The following TRIM44 variants were observed in gnomAD, a reference collection of about 807,000 sequenced individuals.
The protein encoded by TRIM44 is tripartite motif containing 44.
A neutral mutation model predicts 37.4 loss-of-function variants in TRIM44; 13 were observed. The observed-to-expected ratio is 0.35, with a 90% CI of 0.23 to 0.55. The LOEUF is 0.55. Ranked by LOEUF, TRIM44 falls within the 20% of genes least tolerant of loss-of-function variation. TRIM44 has a pLI of 0.89. For synonymous variants in TRIM44, 175 were observed against 157.2 expected (o/e 1.11, Z -0.85); for missense variants, 426 against 437.2 (o/e 0.97, Z 0.23).
intron 1 of TRIM44, among the ~76,000 whole-genome samples, chr11:35,669,292 C>T (rs969183191): frequency 2.6e-5 from 4 of 152,256 alleles, no homozygotes; most frequent in South Asian, 4.1e-4. Flanking sequence ...ACCTTGCCCA[C>T]ATCTTAGAGA....
intron 4 of TRIM44, among the ~76,000 whole-genome samples, chr11:35,754,673 G>GGCCC (rs1005259104): frequency 1.9e-5 from 2 of 107,198 alleles, no homozygotes; most frequent in African/African-American, 7.5e-5. Context: ...CCCCACAGCA[G>GGCCC]GCCCCGGTGT....
At chr11:35,703,629 G>A (rs1011579977) in intron 2 of TRIM44, among the ~76,000 whole-genome samples, 7 of 152,184 alleles carry the variant, frequency 4.6e-5, no homozygotes, top group African/African-American at 7.2e-5. Context: ...TGCAGCCACC[G>A]CTGCTGGTAC....
intron 2 of TRIM44, among the ~76,000 whole-genome samples, chr11:35,702,726 C>T (rs988460081): frequency 1.3e-5 from 2 of 152,202 alleles, no homozygotes; most frequent in African/African-American, 2.4e-5. Context: ...ATTTCATTAA[C>T]AATCAAGTGT....
intron 4 of TRIM44, among the ~76,000 whole-genome samples, chr11:35,735,654 C>T (rs1334577426): frequency 3.3e-5 from 5 of 152,078 alleles, no homozygotes; most frequent in African/African-American, 4.8e-5. Flanking sequence ...AGATAAGTAA[C>T]TTTGTTGTAT....
In TRIM44 at chr11:35,812,487, T is replaced by TATC. The variant is rs1365362487; in HGVS notation, c.*6105_*6107dup. The TATC allele has an allele frequency of 3.3e-5, 5 of 152,200 alleles. No homozygotes were observed. Among genetic ancestry groups the TATC allele is most frequent in the African/African-American group, 7.2e-5 (3 of 41,452 alleles). 9.4% of individuals were successfully genotyped at this position (152,200 alleles called of 1,614,324 possible). ...GGTACTCTCCTGTTGTTTTTCACAT[T>TATC]ATCATAATAGTAACAGCACCAATAC... On this transcript the variant is annotated 3_prime_UTR_variant, in exon 5 of 5. Transcript: ENST00000299413.
At chr11:35,737,574 G>A (rs531634409) in intron 4 of TRIM44, among the ~76,000 whole-genome samples, 6 of 152,172 alleles carry the variant, frequency 3.9e-5, no homozygotes, top group East Asian at 1.9e-4. Context: ...AGTGGCTCAC[G>A]CCTGTAATCC....
intron 4 of TRIM44, among the ~76,000 whole-genome samples, chr11:35,764,878 A>G (rs1852773493): frequency 6.6e-6 from 1 of 152,100 alleles, no homozygotes; most frequent in Non-Finnish European, 1.5e-5. Flanking sequence ...TATTAAATTT[A>G]TTATGCAGTA....
chr11:35,727,818 C>T (rs1017955778), intron 3 of TRIM44, among the ~76,000 whole-genome samples: 30 of 152,142 alleles, frequency 2.0e-4, no homozygotes, highest in Admixed American at 6.5e-4. Flanking sequence ...GCTAAGCATC[C>T]CATCTGTATC....
chr11:35,663,897 C>A, intron 1 of TRIM44, 117 bp downstream of exon 1: 1 of 1,275,366 alleles, frequency 7.8e-7, no homozygotes, highest in Non-Finnish European at 1.1e-6. Context: ...CTAGTCTTTC[C>A]AACTTTTTGG....
At chr11:35,697,849 A>G (rs989721627) in intron 2 of TRIM44, among the ~76,000 whole-genome samples, 2 of 151,932 alleles carry the variant, frequency 1.3e-5, no homozygotes, top group Non-Finnish European at 1.5e-5. Flanking sequence ...AATCCAGTCT[A>G]TCGTTGTTGG....
intron 4 of TRIM44, among the ~76,000 whole-genome samples, chr11:35,787,118 C>T (rs573173788): frequency 2.6e-5 from 4 of 152,212 alleles, no homozygotes; most frequent in South Asian, 2.1e-4. Context: ...TCTGGGAAAG[C>T]GGTGTGGGCG....
intron 4 of TRIM44, among the ~76,000 whole-genome samples, chr11:35,760,014 C>T (rs1462113524): frequency 6.6e-6 from 1 of 152,230 alleles, no homozygotes; most frequent in Non-Finnish European, 1.5e-5. Flanking sequence ...CTACTCTCTT[C>T]AAAGCTGTCA....
chr11:35,690,052 G>A (rs1205349411), intron 2 of TRIM44, among the ~76,000 whole-genome samples: 2 of 152,160 alleles, frequency 1.3e-5, no homozygotes, highest in African/African-American at 4.8e-5. Flanking sequence ...TAAAACTTGA[G>A]CCAAGTGGCT....
chr11:35,807,676 A>G lies in TRIM44; in HGVS notation c.*1291A>G, dbSNP rs375917841. 1.3e-5 allele frequency: 2 copies of G among 152,328 alleles called. No homozygotes were observed. Among genetic ancestry groups the G allele is most frequent in the East Asian group, 3.9e-4 (2 of 5,184 alleles). 9.4% of individuals were successfully genotyped at this position (152,328 alleles called of 1,614,324 possible). On this transcript the variant is annotated 3_prime_UTR_variant, in exon 5 of 5. Transcript: ENST00000299413. ...TAGAGTCATAAGATGACCTATTTTT[A>G]TATAAAAGTTATATTATAGAATAAA...
intron 2 of TRIM44, among the ~76,000 whole-genome samples, chr11:35,697,045 T>C (rs1236007740): frequency 6.6e-6 from 1 of 152,162 alleles, no homozygotes; most frequent in Non-Finnish European, 1.5e-5. Flanking sequence ...AGTTTGACCA[T>C]AAGGTGAGAT....
chr11:35,714,944 C>A (rs933184989), intron 2 of TRIM44, among the ~76,000 whole-genome samples: 4 of 152,150 alleles, frequency 2.6e-5, no homozygotes, highest in African/African-American at 9.7e-5. Flanking sequence ...CTTCTAGTTT[C>A]ATATTCCTAT....
In TRIM44 at chr11:35,701,377, T is replaced by TA. The variant is rs910083003; in HGVS notation, c.747+16052dup. On this transcript the variant is annotated intron_variant, in intron 2 of 4. Coordinates refer to ENST00000299413, the MANE Select transcript of TRIM44 (RefSeq NM_017583.6). The stretch of plus-strand genomic sequence containing the variant: ...GCTGACGTTTAACTATAGTGCTCTT[T>TA]AAAAAAAAAAAGTCCTTTTGAATAT... Among the ~76,000 whole-genome samples, 468 of 146,738 alleles carry TA rather than the reference T, an allele frequency of 3.2e-3. 3 individuals are homozygous for TA. Among genetic ancestry groups the TA allele is most frequent in the African/African-American group, 0.01 (406 of 40,212 alleles).
chr11:35,744,600 G>A (rs934130342), intron 4 of TRIM44, among the ~76,000 whole-genome samples: 1 of 151,804 alleles, frequency 6.6e-6, no homozygotes, highest in African/African-American at 2.4e-5. Context: ...ACATGTGCAG[G>A]ACGTGCAGGT....
At chr11:35,689,129 G>A (rs994067400) in intron 2 of TRIM44, among the ~76,000 whole-genome samples, 2 of 152,150 alleles carry the variant, frequency 1.3e-5, no homozygotes, top group Non-Finnish European at 2.9e-5. Context: ...CAGAGAATTA[G>A]CAAAGCCAAA....
Sources: allele counts gnomAD v4.1 joint callset (sites outside exome capture counted in the v4.1 genomes callset), GRCh38; gene constraint gnomAD v4.1.1; transcripts MANE v1.5; gene names NCBI Gene and HGNC (gene_info 2026-07-23, HGNC 2026-07-21).